The following EPHB1 variants were observed in gnomAD, a reference collection of about 807,000 sequenced individuals.
EPHB1 encodes the protein EPH receptor B1, also known as ephrin type-B receptor 1.
Under a neutral mutation model 94.4 loss-of-function variants are expected in EPHB1, and 30 were observed. The observed-to-expected ratio is 0.32, with a 90% CI of 0.24 to 0.43. The LOEUF (loss-of-function observed/expected upper bound fraction) is 0.43, where lower values mean the gene tolerates loss of function less well. EPHB1 is among the 20% of genes least tolerant of loss of function. The pLI is 1.00. For synonymous variants in EPHB1, 522 were observed against 489.1 expected, an observed-to-expected ratio of 1.07 and a Z score of -0.89; for missense variants, 1,055 against 1,308.3, an observed-to-expected ratio of 0.81 and a Z score of 2.99.
At chr3:135,122,323 T>G (rs777045128) in intron 4 of EPHB1, among the ~76,000 whole-genome samples, 30 of 152,176 alleles carry the variant, frequency 2.0e-4, no homozygotes, top group Non-Finnish European at 3.1e-4. Flanking sequence ...CAGTGCATCT[T>G]TCCTCACTGT....
At chr3:135,179,562 C>T (rs1472658019) in intron 9 of EPHB1, among the ~76,000 whole-genome samples, 3 of 152,162 alleles carry the variant, frequency 2.0e-5, no homozygotes, top group African/African-American at 4.8e-5. Flanking sequence ...TGTGAGCACC[C>T]GGTGTGGGAA....
rs187611864 is a variant in EPHB1 at position 135,098,555 on chromosome 3, A to G, written c.806-7893A>G. Among the ~76,000 whole-genome samples, 244 of 152,172 alleles carry G rather than the reference A, an allele frequency of 1.6e-3. 1 individual carries two copies. The highest frequency in any genetic ancestry group is 1.8e-3 in the Non-Finnish European group (124 of 68,002). On this transcript the variant is annotated intron_variant, in intron 3 of 15. Transcript: ENST00000398015. ...CTCTCTTCTTTCTTTCTTCCCTATT[A>G]TAAATAACACTGTGATGAACATCAA...
chr3:135,192,343 C>CACTTTAAA (rs1209817810), intron 10 of EPHB1, among the ~76,000 whole-genome samples: 1 of 4,270 alleles, frequency 2.3e-4, no homozygotes, highest in African/African-American at 8.5e-4. Flanking sequence ...CTTTAGTTAC[C>CACTTTAAA]CAAACTATTT....
In EPHB1 at chr3:134,941,752, G is replaced by GACACACACACACAC. The variant is rs3067391; in HGVS notation, c.124-9585_124-9572dup. Among the ~76,000 whole-genome samples, 211 of 134,794 alleles carry GACACACACACACAC rather than the reference G, an allele frequency of 1.6e-3. 5 individuals are homozygous for GACACACACACACAC. The highest frequency in any genetic ancestry group is 5.2e-3 in the African/African-American group (185 of 35,480). 88.4% of individuals were successfully genotyped at this position (134,794 alleles called of 152,430 possible). ...ATAGCATGCTTTACATATGCACACA[G>GACACACACACACAC]ACACACACACACACACACACACACA... On this transcript the variant is annotated intron_variant, in intron 2 of 15. Coordinates refer to ENST00000398015, the MANE Select transcript of EPHB1 (RefSeq NM_004441.5).
rs780735210 is a variant in EPHB1, at chr3:135,132,823, C to T, written c.1071C>T (p.Asn357=). Residue 357 remains asparagine, a synonymous_variant, in exon 5 of 16, where the codon AAC becomes AAT. Transcript: ENST00000398015. The part of the protein sequence containing the change: ...ETGGRDDVTY[N]IICKKCRADR... ...GTGGGCGGGATGATGTGACCTACAA[C>T]ATCATCTGCAAAAAGTGCCGGGCAG... is the stretch of plus-strand genomic sequence containing the variant. The T allele has an allele frequency of 1.2e-6, 2 of 1,614,008 alleles. No individual in the cohort carries two copies. The highest frequency in any genetic ancestry group is 1.7e-5 in the Admixed American group (1 of 60,030).
intron 1 of EPHB1, among the ~76,000 whole-genome samples, chr3:134,843,518 G>A (rs12496060): frequency 0.16 from 24,681 of 151,942 alleles, 2,706 homozygotes; most frequent in African/African-American, 0.32. Flanking sequence ...TCACATGTAT[G>A]TTGATGTGTT....
chr3:135,062,194 G>A (rs188972915), intron 3 of EPHB1, among the ~76,000 whole-genome samples: 1 of 151,982 alleles, frequency 6.6e-6, no homozygotes, highest in African/African-American at 2.4e-5. Flanking sequence ...TCTTTTCCTT[G>A]GGGTAGATAT....
chr3:135,215,211 T>G (rs1943119224), intron 12 of EPHB1, among the ~76,000 whole-genome samples: 1 of 152,072 alleles, frequency 6.6e-6, no homozygotes, highest in Non-Finnish European at 1.5e-5. Context: ...TTGCCCAGGC[T>G]GGAGTGCAAT....
At chr3:134,881,581 T>C (rs2037731556) in intron 1 of EPHB1, among the ~76,000 whole-genome samples, 1 of 152,104 alleles carries the variant, frequency 6.6e-6, no homozygotes. Flanking sequence ...TAGAGCTGGG[T>C]TGAAAGGGGT....
intron 1 of EPHB1, among the ~76,000 whole-genome samples, chr3:134,919,912 C>T (rs898569470): frequency 5.3e-5 from 8 of 151,538 alleles, no homozygotes; most frequent in South Asian, 4.2e-4. Flanking sequence ...GTGAAGGGGA[C>T]GGGGGTGGTC....
rs40152 is a variant in EPHB1 at position 134,954,106 on chromosome 3, G to A, written c.805+2054G>A. Among the ~76,000 whole-genome samples the A allele has an allele frequency of 4.5e-3, 680 of 152,324 alleles. 4 individuals are homozygous for A. Among genetic ancestry groups the A allele is most frequent in the African/African-American group, 9.3e-3 (388 of 41,580 alleles). ...CCACATTTTGGTAATATTTCTGAGCGTGGAGAGTGGCATCTTGGGTCTTGT... is the reference window on the plus strand; with the variant it reads ...CCACATTTTGGTAATATTTCTGAGCATGGAGAGTGGCATCTTGGGTCTTGT... On this transcript the variant is annotated intron_variant, in intron 3 of 15. Coordinates refer to ENST00000398015, the MANE Select transcript of EPHB1 (RefSeq NM_004441.5).
At chr3:135,025,117 C>G (rs1179386108) in intron 3 of EPHB1, among the ~76,000 whole-genome samples, 3 of 110,630 alleles carry the variant, frequency 2.7e-5, no homozygotes, top group Non-Finnish European at 5.3e-5. Flanking sequence ...CTCCCTCCCT[C>G]CCCCCTTCCT....
chr3:134,822,115 T>C (rs2036393176), intron 1 of EPHB1, among the ~76,000 whole-genome samples: 2 of 152,238 alleles, frequency 1.3e-5, no homozygotes, highest in South Asian at 4.1e-4. Context: ...GGGGATGTGT[T>C]CCAGCTGTAA....
chr3:135,154,028 G>A lies in EPHB1; in HGVS notation c.1298-124G>A, dbSNP rs1941279399. Reference sequence around the variant, plus strand: ...GAAGTTCTGCAGGTCCAGCTCAGCTGATGATAAAGAAGGAGCAGAGTTCAA... The same window carrying A: ...GAAGTTCTGCAGGTCCAGCTCAGCTAATGATAAAGAAGGAGCAGAGTTCAA... On this transcript the variant is annotated intron_variant, in intron 5 of 15. Transcript: ENST00000398015. The A allele has an allele frequency of 2.9e-5, 39 of 1,334,860 alleles. No individual in the cohort carries two copies. In the South Asian group the frequency reaches 4.8e-4, roughly 16 times the overall value. The allele number at this position is 1,334,860 out of a possible 1,614,324, so 82.7% of individuals were successfully genotyped here.
chr3:135,030,451 C>T (rs1185840081), intron 3 of EPHB1, among the ~76,000 whole-genome samples: 2 of 152,100 alleles, frequency 1.3e-5, no homozygotes, highest in Non-Finnish European at 2.9e-5. Context: ...CAGACAGGAC[C>T]CTCAGCTGCA....
chr3:135,020,389 A>G lies in EPHB1; in HGVS notation c.805+68337A>G, dbSNP rs183717048. On this transcript the variant is annotated intron_variant, in intron 3 of 15. Coordinates refer to ENST00000398015, the MANE Select transcript of EPHB1 (RefSeq NM_004441.5). ...ATTTTAGAACAGTTTCATCTTCCCA[A>G]AAAGAAGCCCTTGCCCAATAGCAGC... Among the ~76,000 whole-genome samples, 30 of 152,262 alleles carry G rather than the reference A, an allele frequency of 2.0e-4. No homozygotes were observed. The East Asian group carries it at 5.2e-3, about 26-fold the overall frequency.
At chr3:135,110,412 C>T (rs1057203142) in intron 4 of EPHB1, among the ~76,000 whole-genome samples, 1 of 152,162 alleles carries the variant, frequency 6.6e-6, no homozygotes, top group Non-Finnish European at 1.5e-5. Flanking sequence ...CCCTGGAGGC[C>T]ATCCCTGTCC....
chr3:135,100,926 G>A lies in EPHB1; in HGVS notation c.806-5522G>A, dbSNP rs896873412. Among the ~76,000 whole-genome samples, 7 of 152,222 alleles carry A rather than the reference G, an allele frequency of 4.6e-5. No homozygotes were observed. The East Asian group carries it at 1.4e-3, about 29-fold the overall frequency. On this transcript the variant is annotated intron_variant, in intron 3 of 15. Coordinates refer to ENST00000398015, the MANE Select transcript of EPHB1 (RefSeq NM_004441.5). ...TTGTCTCCTCCCCTTTTCTGAAGTT[G>A]GGGGTGGGGAAAGAGATGTGTGGTG...
At chr3:134,843,563 CCTTTTA>C (rs1368146171) in intron 1 of EPHB1, among the ~76,000 whole-genome samples, 1 of 151,924 alleles carries the variant, frequency 6.6e-6, no homozygotes, top group Non-Finnish European at 1.5e-5. Context: ...GGTTCTGTTG[CCTTTTA>C]CTTTAATCTT....
Sources: gnomAD v4.1 joint callset for allele counts (sites outside exome capture counted in the v4.1 genomes callset) on GRCh38, gnomAD v4.1.1 for gene constraint, MANE v1.5 for transcripts, NCBI Gene and HGNC (gene_info 2026-07-23, HGNC 2026-07-21) for gene names.